The following DST variants were observed in gnomAD, a reference collection of about 807,000 sequenced individuals.
The protein encoded by DST is dystonin.
A neutral mutation model predicts 875.2 loss-of-function variants in DST; 253 were observed. The ratio of observed to expected loss-of-function variants is 0.29; its 90% CI spans 0.26 to 0.32. The LOEUF (loss-of-function observed/expected upper bound fraction) is 0.32, where lower values mean the gene tolerates loss of function less well. Among genes scored for constraint, DST ranks in the 10% least tolerant of loss-of-function variants. DST has a pLI of 1.00. For synonymous variants in DST, 3,124 were observed against 3,197.1 expected (o/e 0.98, Z 0.77); for missense variants, 8,287 against 9,111.6 (o/e 0.91, Z 3.68).
chr6:56,952,555 C>T (rs1360761185), intron 2 of DST, among the ~76,000 whole-genome samples: 5 of 152,098 alleles, frequency 3.3e-5, no homozygotes, highest in Non-Finnish European at 5.9e-5. Context: ...TGGAAATTTG[C>T]AAACATTATC....
chr6:56,648,694 A>C lies in DST; in HGVS notation c.1435-5T>G, dbSNP rs903364779. On this transcript the variant is annotated splice_region_variant and splice_polypyrimidine_tract_variant and intron_variant, in intron 12 of 103. Transcript: ENST00000680361. ...AATCCATTTGACTTCAACATCCTAG[A>C]ACAATCAAATGATAGAAAAGGTTCA... 1 of 1,556,648 alleles carries C rather than the reference A, an allele frequency of 6.4e-7. No homozygotes were observed. Among genetic ancestry groups the C allele is most frequent in the Non-Finnish European group, 8.7e-7 (1 of 1,149,142 alleles).
intron 47 of DST, among the ~76,000 whole-genome samples, chr6:56,595,974 T>C (rs2098375205): frequency 6.6e-6 from 1 of 151,986 alleles, no homozygotes; most frequent in Non-Finnish European, 1.5e-5. Context: ...GCTTTGGCCC[T>C]CTCTCCATGC....
At chr6:56,484,087 A>C (rs563294391) in intron 88 of DST, 2 of 152,282 alleles carry the variant, frequency 1.3e-5, no homozygotes, top group South Asian at 4.1e-4. Flanking sequence ...TTCATTCTTG[A>C]TGACCTTTAA....
At chr6:56,532,618 T>C in intron 63 of DST, 108 bp from the exon 64 acceptor site, 1 of 1,021,488 alleles carries the variant, frequency 9.8e-7, no homozygotes, top group Non-Finnish European at 1.4e-6. Flanking sequence ...ATTTTGTATG[T>C]ATGCACATAT....
In DST at chr6:56,605,753, T is replaced by A. The variant is rs13194995; in HGVS notation, c.8875A>T (p.Thr2959Ser). The change falls in exon 40 of 104, where the codon ACA becomes TCA. Residue 2959 changes from threonine (T) to serine (S), a missense_variant. By Grantham distance (58) the Thr-to-Ser change is moderately conservative. Transcript: ENST00000680361. ...TSELGTDLAN[T>S]KVKLIQGSEL... ...GACCCTTGAATCAACTTAACCTTTG[T>A]GTTTGCTAGATCAGTACCTAATTCA... The A allele has an allele frequency of 0.34, 555,835 of 1,612,280 alleles. 98,976 individuals are homozygous for A. Among genetic ancestry groups the A allele is most frequent in the Admixed American group, 0.38 (22,510 of 59,788 alleles).
At position 56,606,960 on chromosome 6, in the gene DST, CTCT is replaced by C; in HGVS notation, c.7665_7667del (p.Glu2556del). 1.2e-6 allele frequency: 2 copies of C among 1,613,422 alleles called. No individual in the cohort carries two copies. The highest frequency in any genetic ancestry group is 1.7e-6 in the Non-Finnish European group (2 of 1,179,574). ...CCCCTGGAGTCACAGCACAGGAATA[CTCT>C]TCTATTTCAGACTCATCTTCCTTGT... On this transcript the variant is annotated inframe_deletion, in exon 40 of 104. Transcript: ENST00000680361.
At position 56,608,682 on chromosome 6, in the gene DST, G is replaced by C. The variant is rs969043680; in HGVS notation, c.5946C>G (p.Thr1982=). 25 of 1,612,946 alleles carry C rather than the reference G, an allele frequency of 1.5e-5. No homozygotes were observed. The highest frequency in any genetic ancestry group is 2.1e-5 in the Non-Finnish European group (25 of 1,179,496). The change falls in exon 40 of 104, where the codon ACC becomes ACG. Residue 1982 remains threonine, a synonymous_variant. Transcript: ENST00000680361. ...GCTGTGCACTTAACAACCTAAACATGGTTTCACGGTCTATGAGACCTTCAT... is the reference window on the plus strand; with the variant it reads ...GCTGTGCACTTAACAACCTAAACATCGTTTCACGGTCTATGAGACCTTCAT... The part of the protein sequence containing the change: ...AAHEGLIDRE[T]MFRLLSAQLL...
Position 56,470,110 on chromosome 6 carries a change from T to C in DST, c.22476+18A>G, listed in dbSNP as rs2094810369. ...AACATACTATCAGTGTTGTACGCAA[T>C]GGGAAGATAATGAGTACCTCATCTT... On this transcript the variant is annotated intron_variant, in intron 96 of 103. Coordinates refer to ENST00000680361, the MANE Select transcript of DST (RefSeq NM_001374736.1). 1 of 1,610,782 alleles carries C rather than the reference T, an allele frequency of 6.2e-7. No individual in the cohort carries two copies. The highest frequency in any genetic ancestry group is 8.5e-7 in the Non-Finnish European group (1 of 1,177,554).
chr6:56,598,761 T>C, intron 45 of DST, 52 bp from the exon 46 acceptor site: 2 of 1,135,464 alleles, frequency 1.8e-6, no homozygotes, highest in Non-Finnish European at 2.4e-6. Flanking sequence ...ACCTATTTAG[T>C]TCTTCCAGAG....
At chr6:56,546,350 AT>A (rs2097221468) in intron 61 of DST, among the ~76,000 whole-genome samples, 1 of 14,506 alleles carries the variant, frequency 6.9e-5, no homozygotes, top group South Asian at 2.1e-3. Flanking sequence ...CATATTTCAT[AT>A]ATATATATAT....
chr6:56,697,487 GT>G (rs1168453503), intron 9 of DST, among the ~76,000 whole-genome samples: 1 of 152,162 alleles, frequency 6.6e-6, no homozygotes, highest in African/African-American at 2.4e-5. Context: ...TCCAGCACAG[GT>G]CCTGTCACCG....
At chr6:56,626,557 C>T (rs888361648) in intron 34 of DST, among the ~76,000 whole-genome samples, 1 of 152,028 alleles carries the variant, frequency 6.6e-6, no homozygotes, top group African/African-American at 2.4e-5. Flanking sequence ...CTACAATGTT[C>T]GCACAATGAA....
chr6:56,508,092 T>C (rs1478676581), intron 75 of DST, among the ~76,000 whole-genome samples: 1 of 152,210 alleles, frequency 6.6e-6, no homozygotes, highest in East Asian at 1.9e-4. Context: ...TAGAGTATAG[T>C]GGCACGATCT....
chr6:56,721,064 G>A (rs1226606034), intron 5 of DST, among the ~76,000 whole-genome samples: 9 of 146,226 alleles, frequency 6.2e-5, no homozygotes, highest in Non-Finnish European at 1.4e-4. Context: ...GGGCAGGGGC[G>A]CCCCCCCCAC....
In DST at chr6:56,664,460, G is replaced by A. The variant is rs139544053; in HGVS notation, c.1214+6181C>T. Among the ~76,000 whole-genome samples the A allele has an allele frequency of 5.4e-3, 828 of 152,202 alleles. 18 individuals carry two copies. Among genetic ancestry groups the A allele is most frequent in the Non-Finnish European group, 9.9e-4 (67 of 68,014 alleles). On this transcript the variant is annotated intron_variant, in intron 10 of 103. Transcript: ENST00000680361. Reference sequence around the variant, plus strand: ...TCTGTTTGTAACACCTACCTCTGAGGAACAAGCACTACTGTCTGGGATTTC... The same window carrying A: ...TCTGTTTGTAACACCTACCTCTGAGAAACAAGCACTACTGTCTGGGATTTC...
At chr6:56,916,772 T>TCACACA (rs1355012094) in intron 2 of DST, among the ~76,000 whole-genome samples, 4 of 100,694 alleles carry the variant, frequency 4.0e-5, no homozygotes, top group African/African-American at 1.7e-4. Flanking sequence ...TCTCTCTCTC[T>TCACACA]CTCTCTCACA....
Position 56,477,389 on chromosome 6 carries a change from T to C in DST, c.21631A>G (p.Thr7211Ala), listed in dbSNP as rs2095244412. Residue 7211 changes from threonine to alanine, a missense_variant, in exon 91 of 104, where the codon ACC becomes GCC. By Grantham distance (58) the Thr-to-Ala change is moderately conservative. This residue lies in a region of DST where 1,292 missense variants were observed against 1,552.7 expected (regional missense o/e 0.83). Coordinates refer to ENST00000680361, the MANE Select transcript of DST (RefSeq NM_001374736.1). ...LAICHPDSIT[T>A]IKHWITIIRA... The stretch of plus-strand genomic sequence containing the variant: ...ATGATTGTTATCCAGTGCTTAATGG[T>C]AGTGATGGAGTCGGGGTGGCAGATA... The C allele has an allele frequency of 6.2e-7, 1 of 1,613,958 alleles. No individual in the cohort carries two copies. The highest frequency in any genetic ancestry group is 8.5e-7 in the Non-Finnish European group (1 of 1,179,874).
At chr6:56,514,623 G>C (rs9367687) in intron 72 of DST, among the ~76,000 whole-genome samples, 1 of 149,390 alleles carries the variant, frequency 6.7e-6, no homozygotes, top group African/African-American at 2.5e-5. Context: ...CCCCTCATGC[G>C]CATACACACA....
In DST at chr6:56,582,644, T is replaced by C. The variant is rs141241993; in HGVS notation, c.12904-3707A>G. Among the ~76,000 whole-genome samples the C allele has an allele frequency of 8.6e-3, 1,311 of 151,838 alleles. 11 individuals carry two copies. Among genetic ancestry groups the C allele is most frequent in the Non-Finnish European group, 0.015 (989 of 67,948 alleles). ...AGTTTTAGGGTACGTGTGCACAATG[T>C]GCAGGTTAGTTACATATGTATACAT... On this transcript the variant is annotated intron_variant, in intron 49 of 103. Coordinates refer to ENST00000680361, the MANE Select transcript of DST (RefSeq NM_001374736.1).
Sources: allele counts gnomAD v4.1 joint callset (sites outside exome capture counted in the v4.1 genomes callset), GRCh38; gene constraint gnomAD v4.1.1; regional missense constraint gnomAD v4.1.1; transcripts MANE v1.5; gene names NCBI Gene and HGNC (gene_info 2026-07-23, HGNC 2026-07-21).